ATF6: variants seen among roughly 807,000 people sequenced by gnomAD.
ATF6 encodes the protein cyclic AMP-dependent transcription factor ATF-6 alpha.
A neutral mutation model predicts 83.6 loss-of-function variants in ATF6; 53 were observed. The observed-to-expected ratio is 0.63, with a 90% CI of 0.51 to 0.80. The LOEUF is 0.80. Among genes scored for constraint, ATF6 ranks in the 30% least tolerant of loss-of-function variants. ATF6 has a pLI of 0.00. For missense variants in ATF6, 744 were observed against 797.9 expected (o/e 0.93, Z 0.81); for synonymous variants, 288 against 285.8 (o/e 1.01, Z -0.08).
rs935836259 is a variant in ATF6 at position 161,948,035 on chromosome 1, G to C, written c.1805-10411G>C. 5.3e-5 allele frequency among the ~76,000 whole-genome samples: 8 copies of C among 151,938 alleles called. No individual in the cohort carries two copies. In the East Asian group the frequency reaches 1.5e-3, roughly 29 times the overall value. On this transcript the variant is annotated intron_variant, in intron 15 of 15. Coordinates refer to ENST00000367942, the MANE Select transcript of ATF6 (RefSeq NM_007348.4). The stretch of plus-strand genomic sequence containing the variant: ...GACAGGGCTTCGCCACATTGGTCAG[G>C]CTGGTCTCGAACTCCTGACCTCAAG...
chr1:161,839,308 G>C (rs1213841876), intron 9 of ATF6, among the ~76,000 whole-genome samples: 1 of 152,134 alleles, frequency 6.6e-6, no homozygotes. Flanking sequence ...AAGTATAGTA[G>C]GGTAAATGGT....
intron 15 of ATF6, among the ~76,000 whole-genome samples, chr1:161,932,589 A>G (rs770834112): frequency 3.3e-5 from 5 of 152,262 alleles, no homozygotes; most frequent in Non-Finnish European, 7.3e-5. Flanking sequence ...TAGCTGATCT[A>G]CTTCATTAAA....
chr1:161,917,699 C>T (rs1352956300), intron 15 of ATF6, among the ~76,000 whole-genome samples: 2 of 152,140 alleles, frequency 1.3e-5, no homozygotes, highest in Non-Finnish European at 2.9e-5. Flanking sequence ...GGATTACAGG[C>T]GTGAGCCACC....
At position 161,959,756 on chromosome 1, in the gene ATF6, G is replaced by T. The variant is rs1054944626; in HGVS notation, c.*1102G>T. ...AGCCACAACTATTGTTTATTTTGGG[G>T]ACTCTAGGCCACCAAGTATTAGCAC... On this transcript the variant is annotated 3_prime_UTR_variant, in exon 16 of 16. Coordinates refer to ENST00000367942, the MANE Select transcript of ATF6 (RefSeq NM_007348.4). 1.3e-4 allele frequency: 19 copies of T among 151,724 alleles called. No homozygotes were observed. The highest frequency in any genetic ancestry group is 2.1e-4 in the Non-Finnish European group (14 of 67,980). The allele number at this position is 151,724 out of a possible 1,614,324, so 9.4% of individuals were successfully genotyped here. A position where few individuals can be genotyped will look rare whatever the true frequency, so the allele number is the denominator to read the frequency against.
chr1:161,792,023 G>A (rs1684890493), intron 5 of ATF6, 101 bp from the exon 6 acceptor site: 1 of 985,890 alleles, frequency 1.0e-6, no homozygotes, highest in Non-Finnish European at 1.6e-6. Context: ...GTTAATCGAA[G>A]TTAAGATAAT....
intron 11 of ATF6, 115 bp downstream of exon 11, chr1:161,851,950 T>A: frequency 1.3e-6 from 1 of 765,870 alleles, no homozygotes; most frequent in Non-Finnish European, 2.2e-6. Flanking sequence ...TCTGAATTAT[T>A]TGTGGATAAC....
At chr1:161,915,169 A>G (rs1688071602) in intron 15 of ATF6, among the ~76,000 whole-genome samples, 1 of 150,578 alleles carries the variant, frequency 6.6e-6, no homozygotes, top group Non-Finnish European at 1.5e-5. Flanking sequence ...TTCCACTACC[A>G]CCGGCCCAGC....
chr1:161,782,762 T>G (rs1684666359), intron 3 of ATF6, among the ~76,000 whole-genome samples: 1 of 151,610 alleles, frequency 6.6e-6, no homozygotes, highest in East Asian at 1.9e-4. Context: ...TCATAGAATG[T>G]GGGATACACA....
At chr1:161,791,205 C>T (rs1438625311) in intron 4 of ATF6, among the ~76,000 whole-genome samples, 1 of 151,686 alleles carries the variant, frequency 6.6e-6, no homozygotes, top group Non-Finnish European at 1.5e-5. Flanking sequence ...ACTTACTCTG[C>T]ATTTTGAGTT....
In ATF6 at chr1:161,851,800, T is replaced by C. The variant is rs761753342; in HGVS notation, c.1398T>C (p.Pro466=). 2 of 1,613,796 alleles carry C rather than the reference T, an allele frequency of 1.2e-6. No homozygotes were observed. Among genetic ancestry groups the C allele is most frequent in the Admixed American group, 3.3e-5 (2 of 60,008 alleles). ...CATTGCTTTACATTCCTCCACCTCC[T>C]TGTCAGCCCCTAATTAACACAACAG... ...EEPLLYIPPP[P]CQPLINTTES... Residue 466 remains proline (P), a synonymous_variant, in exon 11 of 16, where the codon CCT becomes CCC. Transcript: ENST00000367942.
rs763231015 is a variant in ATF6, at chr1:161,846,498, A to C, written c.1237A>C (p.Asn413His). ...AATGAACCCTAGTGTGAGCCCTGCA[A>C]ATCAAAGGAGGCACCTTCTAGGATT... Reference protein sequence around the residue: ...RRMNPSVSPANQRRHLLGFSA... With the variant: ...RRMNPSVSPAHQRRHLLGFSA... Residue 413 changes from asparagine to histidine, a missense_variant, in exon 10 of 16, where the codon AAT (asparagine) becomes CAT (histidine). By Grantham distance (68) the Asn-to-His change is moderately conservative (BLOSUM62 1). Transcript: ENST00000367942. The C allele has an allele frequency of 3.7e-6, 6 of 1,611,450 alleles. No homozygotes were observed. In the East Asian group the frequency reaches 6.7e-5, roughly 18 times the overall value.
intron 14 of ATF6, among the ~76,000 whole-genome samples, chr1:161,884,960 T>C (rs10918124): frequency 0.14 from 21,640 of 152,146 alleles, 2,116 homozygotes; most frequent in East Asian, 0.32. Flanking sequence ...AAAAATCTAA[T>C]TCCAACTAGT....
chr1:161,885,288 G>C (rs1687398182), intron 14 of ATF6, among the ~76,000 whole-genome samples: 1 of 152,156 alleles, frequency 6.6e-6, no homozygotes, highest in South Asian at 2.1e-4. Context: ...GTCAGAGCCA[G>C]CATCACCCCA....
chr1:161,940,192 T>C (rs1252537594), intron 15 of ATF6, among the ~76,000 whole-genome samples: 1 of 152,162 alleles, frequency 6.6e-6, no homozygotes, highest in African/African-American at 2.4e-5. Context: ...CATCTGCCAA[T>C]CCTATTAACT....
intron 14 of ATF6, among the ~76,000 whole-genome samples, chr1:161,906,238 A>G (rs1687875871): frequency 6.6e-6 from 1 of 152,208 alleles, no homozygotes; most frequent in South Asian, 2.1e-4. Context: ...AGCTTTCCCT[A>G]GGGAGATCAA....
intron 14 of ATF6, among the ~76,000 whole-genome samples, chr1:161,881,947 T>C (rs975595446): frequency 1.3e-5 from 2 of 152,156 alleles, no homozygotes; most frequent in Admixed American, 6.5e-5. Flanking sequence ...AATTAATTTC[T>C]GTATATGTGC....
chr1:161,871,472 T>TG (rs1687122750), intron 14 of ATF6, among the ~76,000 whole-genome samples: 1 of 151,522 alleles, frequency 6.6e-6, no homozygotes, highest in South Asian at 2.1e-4. Context: ...AACATGCACA[T>TG]GTACCCCTGA....
At chr1:161,865,398 TC>T (rs1686974473) in intron 14 of ATF6, among the ~76,000 whole-genome samples, 3 of 152,128 alleles carry the variant, frequency 2.0e-5, no homozygotes, top group Admixed American at 2.0e-4. Flanking sequence ...GACCTTGTGA[TC>T]CACCCGCCTC....
At chr1:161,887,766 T>C (rs997873067) in intron 14 of ATF6, among the ~76,000 whole-genome samples, 1 of 152,212 alleles carries the variant, frequency 6.6e-6, no homozygotes, top group East Asian at 1.9e-4. Flanking sequence ...TATAAAAGGA[T>C]AAATCAATCC....
Sources: allele counts gnomAD v4.1 joint callset (sites outside exome capture counted in the v4.1 genomes callset), GRCh38; gene constraint gnomAD v4.1.1; transcripts MANE v1.5; gene names NCBI Gene and HGNC (gene_info 2026-07-23, HGNC 2026-07-21).